SLC67A1: variants seen among roughly 807,000 people sequenced by gnomAD.
The protein encoded by SLC67A1 is solute carrier family 67 member A1.
the SLC67A1 span, chr11:2,908,451 C>G: frequency 6.2e-4 from 430 of 688,750 alleles, 2 homozygotes; most frequent in African/African-American, 5.9e-3. Flanking sequence ...GATGACGGCA[C>G]TCCTGTGTCA....
the SLC67A1 span, among the ~76,000 whole-genome samples, chr11:2,900,266 G>C: frequency 2.0e-5 from 3 of 152,164 alleles, no homozygotes; most frequent in Non-Finnish European, 2.9e-5. Context: ...GAATCCCCTC[G>C]AGCGGTACAC....
At chr11:2,913,319 C>T in the SLC67A1 span, among the ~76,000 whole-genome samples, 6 of 152,280 alleles carry the variant, frequency 3.9e-5, no homozygotes, top group South Asian at 8.3e-4. Context: ...GTTCTGGCCC[C>T]GCTGTCCCTC....
At chr11:2,919,883 G>A in the SLC67A1 span, 1 of 155,034 alleles carries the variant, frequency 6.5e-6, no homozygotes, top group Non-Finnish European at 1.4e-5. Context: ...AGGCCACACT[G>A]TCATGGAAGG....
the SLC67A1 span, among the ~76,000 whole-genome samples, chr11:2,913,441 CTA>C: frequency 6.6e-6 from 1 of 151,996 alleles, no homozygotes; most frequent in East Asian, 1.9e-4. Flanking sequence ...GGTTGGAGGG[CTA>C]TGTGTTTGGG....
chr11:2,909,658 G>A, the SLC67A1 span: 5 of 1,539,384 alleles, frequency 3.2e-6, no homozygotes, highest in African/African-American at 5.5e-5. Flanking sequence ...CTGCTTCGGC[G>A]TCGGAGTCAT....
chr11:2,910,181 G>T, the SLC67A1 span, among the ~76,000 whole-genome samples: 15 of 152,184 alleles, frequency 9.9e-5, no homozygotes, highest in Non-Finnish European at 2.1e-4. Context: ...CATTTTCACT[G>T]GAGCCTGGGC....
At chr11:2,908,170 C>A in the SLC67A1 span, 2 of 1,159,470 alleles carry the variant, frequency 1.7e-6, no homozygotes, top group African/African-American at 1.5e-5. Flanking sequence ...CATCCAGGGA[C>A]CCCAGATTCT....
At chr11:2,923,789 C>T in the SLC67A1 span, among the ~76,000 whole-genome samples, 24 of 152,310 alleles carry the variant, frequency 1.6e-4, no homozygotes, top group South Asian at 1.2e-3. This position sits in a 1 kb window ranked among gnomAD's most constrained non-coding sequence, Gnocchi z 6.5. Context: ...CATTGGGCCA[C>T]GTCATGCGCA....
the SLC67A1 span, chr11:2,918,052 C>A: frequency 2.5e-6 from 4 of 1,613,564 alleles, no homozygotes; most frequent in Non-Finnish European, 3.4e-6. Flanking sequence ...TGCCAGACGT[C>A]CCGAGGATCT....
the SLC67A1 span, chr11:2,914,557 G>A: frequency 5.2e-5 from 11 of 212,920 alleles, no homozygotes; most frequent in African/African-American, 2.3e-4. Flanking sequence ...CACAGTGGTG[G>A]GACCTGACTC....
chr11:2,907,592 G>C, the SLC67A1 span, among the ~76,000 whole-genome samples: 1 of 152,174 alleles, frequency 6.6e-6, no homozygotes, highest in Non-Finnish European at 1.5e-5. The surrounding 1 kb of genome is among the most constrained non-coding windows in gnomAD (Gnocchi z 6.7). Flanking sequence ...TGAGGTTCTG[G>C]AGGTTAAGAC....
chr11:2,922,383 G>A, the SLC67A1 span: 3 of 1,592,494 alleles, frequency 1.9e-6, no homozygotes, highest in African/African-American at 1.3e-5. Flanking sequence ...CCCCAGAGAG[G>A]AGCCTGGTCC....
At chr11:2,903,617 G>C in the SLC67A1 span, 9 of 1,006,420 alleles carry the variant, frequency 8.9e-6, no homozygotes, top group Non-Finnish European at 1.3e-5. Flanking sequence ...TCCCAGTTGG[G>C]ACTCATGCCA....
At chr11:2,903,442 G>C in the SLC67A1 span, 1 of 1,613,168 alleles carries the variant, frequency 6.2e-7, no homozygotes, top group African/African-American at 1.3e-5. Context: ...CTACGTGCTG[G>C]CCGCCACAGA....
At chr11:2,908,233 TA>T in the SLC67A1 span, 2 of 1,612,978 alleles carry the variant, frequency 1.2e-6, no homozygotes, top group Non-Finnish European at 1.7e-6. Context: ...TGTGTTTCAG[TA>T]CCTGTCTCGG....
At chr11:2,901,211 C>A in the SLC67A1 span, among the ~76,000 whole-genome samples, 61 of 152,338 alleles carry the variant, frequency 4.0e-4, no homozygotes, top group Non-Finnish European at 7.5e-4. Flanking sequence ...TTTTCTGATG[C>A]CCAACATATC....
the SLC67A1 span, among the ~76,000 whole-genome samples, chr11:2,912,328 A>C: frequency 6.6e-6 from 1 of 152,192 alleles, no homozygotes; most frequent in Non-Finnish European, 1.5e-5. Context: ...CAGGCTCCAA[A>C]GCCTGGTGCC....
the SLC67A1 span, chr11:2,925,037 T>A: frequency 6.2e-7 from 1 of 1,613,112 alleles, no homozygotes; most frequent in Admixed American, 1.7e-5. This position sits in a 1 kb window ranked among gnomAD's most constrained non-coding sequence, Gnocchi z 6.5. Context: ...TGCGCCTCTG[T>A]ACAACCACTG....
the SLC67A1 span, chr11:2,916,961 G>A: frequency 1.9e-6 from 1 of 521,446 alleles, no homozygotes; most frequent in East Asian, 3.6e-5. Context: ...AGGCAGGGAG[G>A]CCCAGAGAGG....
Sources: gnomAD v4.1 joint callset for allele counts (sites outside exome capture counted in the v4.1 genomes callset) on GRCh38, gnomAD v4.1.1 for gene constraint, Gnocchi (gnomAD v3.1) non-coding constraint, MANE v1.5 for transcripts, NCBI Gene and HGNC (gene_info 2026-07-23, HGNC 2026-07-21) for gene names.